Variants in LRRK2 observed in about 807,000 individuals in gnomAD.
The protein encoded by LRRK2 is leucine-rich repeat serine/threonine-protein kinase 2.
Under a neutral mutation model 302.6 loss-of-function variants are expected in LRRK2, and 203 were observed. That is an observed-to-expected ratio of 0.67 (90% CI 0.60 to 0.75). The LOEUF (loss-of-function observed/expected upper bound fraction) is 0.75, where lower values mean the gene tolerates loss of function less well. Among genes scored for constraint, LRRK2 ranks in the 30% least tolerant of loss-of-function variants. The pLI is 0.00. For synonymous variants in LRRK2, 1,066 were observed against 1,031.9 expected (o/e 1.03, Z -0.63); for missense variants, 2,830 against 2,951.0 (o/e 0.96, Z 0.95).
rs1357736606 is a variant in LRRK2, at chr12:40,274,857, T to A, written c.1805T>A (p.Ile602Asn). 1 of 1,610,408 alleles carries A rather than the reference T, an allele frequency of 6.2e-7. No individual in the cohort carries two copies. Among genetic ancestry groups the A allele is most frequent in the Non-Finnish European group, 8.5e-7 (1 of 1,177,006 alleles). ...TLQMYPDDQEIQCLGLSLIGY... is the reference protein window; with the variant it reads ...TLQMYPDDQENQCLGLSLIGY... ...TTCTTTTTTTTTATTTTCCTAGAAATTCAGTGTCTGGGTTTAAGTCTTATA... is the reference window on the plus strand; with the variant it reads ...TTCTTTTTTTTTATTTTCCTAGAAAATCAGTGTCTGGGTTTAAGTCTTATA... The change falls in exon 16 of 51, where the codon ATT (isoleucine) becomes AAT (asparagine). Residue 602 changes from isoleucine to asparagine, a missense_variant. This residue lies in a region of LRRK2 where 2,121 missense variants were observed against 2,148.0 expected (regional missense o/e 0.99). Transcript: ENST00000298910.
chr12:40,232,183 T>G, intron 2 of LRRK2, 91 bp from the exon 3 acceptor site: 2 of 905,644 alleles, frequency 2.2e-6, no homozygotes, highest in African/African-American at 1.6e-5. Flanking sequence ...TAAGCATCTA[T>G]TCCACTAAGA....
intron 14 of LRRK2, among the ~76,000 whole-genome samples, chr12:40,272,310 C>A (rs2136591022): frequency 6.6e-6 from 1 of 152,262 alleles, no homozygotes; most frequent in East Asian, 1.9e-4. Flanking sequence ...CCTTGAATAT[C>A]TGAATTTAAG....
chr12:40,232,400 T>C lies in LRRK2; in HGVS notation c.347+17T>C, dbSNP rs777910542. 11 of 1,576,400 alleles carry C rather than the reference T, an allele frequency of 7.0e-6. No individual in the cohort carries two copies. Among genetic ancestry groups the C allele is most frequent in the Admixed American group, 3.3e-5 (2 of 59,968 alleles). On this transcript the variant is annotated intron_variant, in intron 3 of 50. Coordinates refer to ENST00000298910, the MANE Select transcript of LRRK2 (RefSeq NM_198578.4). ...TGTTCACCAGTAAGTATGATAGATA[T>C]GTAAAACAAATGGCCTTGAGTATTT...
chr12:40,319,668 G>A (rs1592282735), intron 33 of LRRK2, among the ~76,000 whole-genome samples: 1 of 152,076 alleles, frequency 6.6e-6, no homozygotes, highest in African/African-American at 2.4e-5. Context: ...TGATGAGACT[G>A]CAAAACAGAT....
chr12:40,320,188 T>G lies in LRRK2; in HGVS notation c.5015+13T>G. On this transcript the variant is annotated intron_variant, in intron 34 of 50. Coordinates refer to ENST00000298910, the MANE Select transcript of LRRK2 (RefSeq NM_198578.4). Reference sequence around the variant, plus strand: ...TGGTTCCAAGCAGGTAAAGAAAACCTTAAAAAATTAATTGCTACATGGAAA... The same window carrying G: ...TGGTTCCAAGCAGGTAAAGAAAACCGTAAAAAATTAATTGCTACATGGAAA... 6.2e-7 allele frequency: 1 copy of G among 1,602,726 alleles called. No homozygotes were observed. Among genetic ancestry groups the G allele is most frequent in the African/African-American group, 1.3e-5 (1 of 74,716 alleles).
At chr12:40,320,455 G>A (rs540698359) in intron 34 of LRRK2, among the ~76,000 whole-genome samples, 4 of 152,086 alleles carry the variant, frequency 2.6e-5, no homozygotes, top group African/African-American at 9.6e-5. Context: ...ATTAATGTGT[G>A]TGTGTGTCTG....
chr12:40,235,758 A>G, intron 4 of LRRK2, 44 bp downstream of exon 4: 1 of 1,197,070 alleles, frequency 8.4e-7, no homozygotes, highest in Non-Finnish European at 1.2e-6. Context: ...AATTAAAAAA[A>G]AAGTTGATAC....
At position 40,359,335 on chromosome 12, in the gene LRRK2, A is replaced by G. The variant is rs1946634894; in HGVS notation, c.6919A>G (p.Thr2307Ala). ...STPLMCLSES[T>A]NSTERNVMWG... ...TCCATTGATGTGTTTGAGTGAATCC[A>G]CAAATTCAACGGAAAGAAATGTAAT... The change falls in exon 47 of 51, where the codon ACA becomes GCA. Residue 2307 changes from threonine to alanine, a missense_variant. Physicochemically the swap from Thr to Ala is moderately conservative, Grantham distance 58 (BLOSUM62 0). This residue lies in a region of LRRK2 where 456 missense variants were observed against 456.3 expected (regional missense o/e 1.00). Transcript: ENST00000298910. 6.2e-7 allele frequency: 1 copy of G among 1,613,246 alleles called. No individual in the cohort carries two copies. Among genetic ancestry groups the G allele is most frequent in the Non-Finnish European group, 8.5e-7 (1 of 1,179,526 alleles).
intron 10 of LRRK2, among the ~76,000 whole-genome samples, chr12:40,252,091 A>T (rs951058561): frequency 6.6e-6 from 1 of 152,206 alleles, no homozygotes; most frequent in African/African-American, 2.4e-5. Context: ...TCTCCCAAAG[A>T]TACAAGCTGT....
chr12:40,244,456 T>A (rs1298365040), intron 7 of LRRK2, among the ~76,000 whole-genome samples: 2 of 152,156 alleles, frequency 1.3e-5, no homozygotes, highest in East Asian at 3.8e-4. Flanking sequence ...CTACTATCTG[T>A]GTTAAAACAG....
rs943421158 is a variant in LRRK2 at position 40,294,857 on chromosome 12, G to T, written c.2821G>T (p.Asp941Tyr). ...RHSNSLGPIF[D>Y]HEDLLKRKRK... Reference sequence around the variant, plus strand: ...TATTTTTTAATAGGGGCCCATTTTTGATCATGAAGATTTACTGAAGCGAAA... The same window carrying T: ...TATTTTTTAATAGGGGCCCATTTTTTATCATGAAGATTTACTGAAGCGAAA... The change falls in exon 22 of 51, where the codon GAT becomes TAT. Residue 941 changes from aspartate (D) to tyrosine (Y), a missense_variant. By Grantham distance (160) the Asp-to-Tyr change is radical. This residue lies in a region of LRRK2 where 2,121 missense variants were observed against 2,148.0 expected (regional missense o/e 0.99). Transcript: ENST00000298910. 3.9e-6 allele frequency: 6 copies of T among 1,540,516 alleles called. No homozygotes were observed. Among genetic ancestry groups the T allele is most frequent in the Admixed American group, 3.4e-5 (2 of 59,480 alleles).
At chr12:40,289,480 T>G (rs1417229290) in intron 20 of LRRK2, among the ~76,000 whole-genome samples, 3 of 149,894 alleles carry the variant, frequency 2.0e-5, no homozygotes, top group Non-Finnish European at 4.5e-5. Context: ...ATATAGAATT[T>G]ATTTATAAAT....
At chr12:40,302,704 A>G (rs1944675373) in intron 25 of LRRK2, 85 bp from the exon 26 acceptor site, 1 of 931,862 alleles carries the variant, frequency 1.1e-6, no homozygotes, top group East Asian at 2.4e-5. Flanking sequence ...TAAGTGACAC[A>G]CTATTGGTAG....
intron 39 of LRRK2, among the ~76,000 whole-genome samples, chr12:40,329,788 G>T (rs1945661297): frequency 2.6e-5 from 4 of 152,058 alleles, no homozygotes; most frequent in Admixed American, 2.6e-4. Flanking sequence ...TGACCAGGCT[G>T]GTCTGGAACT....
At chr12:40,256,138 A>G (rs1942490091) in intron 11 of LRRK2, among the ~76,000 whole-genome samples, 2 of 152,158 alleles carry the variant, frequency 1.3e-5, no homozygotes, top group African/African-American at 4.8e-5. Context: ...TGTTTAGTGA[A>G]GGAAGTTTAT....
intron 2 of LRRK2, 98 bp from the exon 3 acceptor site, chr12:40,232,176 G>A: frequency 1.2e-6 from 1 of 853,234 alleles, no homozygotes. Context: ...AGTGAGATAA[G>A]CATCTATTCC....
At chr12:40,231,263 C>G (rs900854929) in intron 2 of LRRK2, among the ~76,000 whole-genome samples, 1 of 151,518 alleles carries the variant, frequency 6.6e-6, no homozygotes, top group Non-Finnish European at 1.5e-5. Context: ...GACTTAAAAC[C>G]TACTAAGGGC....
chr12:40,240,763 C>T (rs2136432088), intron 6 of LRRK2, 146 bp downstream of exon 6: 2 of 868,170 alleles, frequency 2.3e-6, no homozygotes, highest in Non-Finnish European at 3.6e-6. Flanking sequence ...AATTAATTTA[C>T]ATTCACTGAC....
At chr12:40,225,336 C>A in intron 1 of LRRK2, 54 bp downstream of exon 1, 1 of 1,596,296 alleles carries the variant, frequency 6.3e-7, no homozygotes, top group South Asian at 1.1e-5. Flanking sequence ...TCTCCCCCTC[C>A]TTACATTTGC....
Sources: gnomAD v4.1 joint callset for allele counts (sites outside exome capture counted in the v4.1 genomes callset) on GRCh38, gnomAD v4.1.1 for gene constraint, gnomAD v4.1.1 regional missense constraint, MANE v1.5 for transcripts, NCBI Gene and HGNC (gene_info 2026-07-23, HGNC 2026-07-21) for gene names.